BIN3: variants seen among roughly 807,000 people sequenced by gnomAD.
The protein encoded by BIN3 is bridging integrator 3.
A neutral mutation model predicts 38.2 loss-of-function variants in BIN3; 41 were observed. The observed-to-expected ratio is 1.07, with a 90% CI of 0.84 to 1.39. The LOEUF (loss-of-function observed/expected upper bound fraction) is 1.39, where lower values mean the gene tolerates loss of function less well. BIN3 is among the 40% of genes most tolerant of loss of function. The pLI is 0.00. For synonymous variants in BIN3, 145 were observed against 122.6 expected (o/e 1.18, Z -1.21); for missense variants, 361 against 324.3 (o/e 1.11, Z -0.87).
intron 1 of BIN3, among the ~76,000 whole-genome samples, chr8:22,648,511 CTG>C (rs576893746): frequency 1.6e-3 from 251 of 152,290 alleles, no homozygotes; most frequent in Non-Finnish European, 2.1e-3. Context: ...CCTGACTAGA[CTG>C]GAGTTATGGC....
intron 4 of BIN3, among the ~76,000 whole-genome samples, chr8:22,633,778 GGGCCCAGC>G (rs2117526710): frequency 6.6e-6 from 1 of 152,310 alleles, no homozygotes; most frequent in South Asian, 2.1e-4. Flanking sequence ...GCTGGAGGTG[GGGCCCAGC>G]GGCCCACGGC....
Position 22,621,318 on chromosome 8 carries a change from G to A in BIN3, c.*104C>T. 1.4e-6 allele frequency: 2 copies of A among 1,428,718 alleles called. No homozygotes were observed. Among genetic ancestry groups the A allele is most frequent in the South Asian group, 1.4e-5 (1 of 72,332 alleles). The allele number at this position is 1,428,718 out of a possible 1,614,324, so 88.5% of individuals were successfully genotyped here. A position where few individuals can be genotyped will look rare whatever the true frequency, so the allele number is the denominator to read the frequency against. ...TGCAAAGGGCCGGCAAGTGAACCAG[G>A]GCCACCTCTGTCCCCAGCCTGTGAG... is the stretch of plus-strand genomic sequence containing the variant. On this transcript the variant is annotated 3_prime_UTR_variant, in exon 9 of 9. Transcript: ENST00000276416.
At chr8:22,666,792 CTTAT>C (rs1409847599) in intron 1 of BIN3, among the ~76,000 whole-genome samples, 1 of 152,228 alleles carries the variant, frequency 6.6e-6, no homozygotes, top group Non-Finnish European at 1.5e-5. Context: ...GGCCATGTGC[CTTAT>C]TTAATGATGG....
At chr8:22,646,038 C>T (rs1337471708) in intron 1 of BIN3, among the ~76,000 whole-genome samples, 5 of 152,202 alleles carry the variant, frequency 3.3e-5, no homozygotes, top group Non-Finnish European at 7.4e-5. Context: ...AGCCTGGCCT[C>T]CGCTTCCACT....
At chr8:22,637,603 G>A (rs543237575) in intron 2 of BIN3, among the ~76,000 whole-genome samples, 2 of 152,356 alleles carry the variant, frequency 1.3e-5, no homozygotes, top group South Asian at 4.1e-4. Context: ...AAATGGGTGA[G>A]TCCTGAACCC....
chr8:22,624,406 G>C, intron 6 of BIN3, 43 bp from the exon 7 acceptor site: 1 of 1,594,718 alleles, frequency 6.3e-7, no homozygotes, highest in Non-Finnish European at 8.6e-7. Context: ...TCTTGAAGGG[G>C]TGGCCTGGCT....
chr8:22,651,173 A>C (rs911283028), intron 1 of BIN3, among the ~76,000 whole-genome samples: 1 of 152,190 alleles, frequency 6.6e-6, no homozygotes, highest in Non-Finnish European at 1.5e-5. Flanking sequence ...AATAACATGC[A>C]TACTTTTTTT....
chr8:22,635,274 C>T (rs188321059), intron 4 of BIN3, among the ~76,000 whole-genome samples: 33 of 152,262 alleles, frequency 2.2e-4, no homozygotes, highest in African/African-American at 5.8e-4. Context: ...CATTATATAC[C>T]GATCCGCTTG....
At chr8:22,659,261 T>C (rs776161190) in intron 1 of BIN3, among the ~76,000 whole-genome samples, 3 of 152,238 alleles carry the variant, frequency 2.0e-5, no homozygotes, top group Non-Finnish European at 4.4e-5. Context: ...CCAGTGCCTA[T>C]GACCACAGCC....
intron 1 of BIN3, among the ~76,000 whole-genome samples, chr8:22,656,194 A>G (rs1179224369): frequency 6.7e-6 from 1 of 148,178 alleles, no homozygotes; most frequent in Non-Finnish European, 1.5e-5. Context: ...TCATTCATTC[A>G]AGCCTTTTTA....
At chr8:22,660,994 C>T (rs1426577270) in intron 1 of BIN3, among the ~76,000 whole-genome samples, 2 of 152,214 alleles carry the variant, frequency 1.3e-5, no homozygotes, top group Non-Finnish European at 2.9e-5. Context: ...CAGCAGTCCA[C>T]CTGCCTCAGC....
At chr8:22,658,224 T>G (rs1396281371) in intron 1 of BIN3, among the ~76,000 whole-genome samples, 4 of 152,136 alleles carry the variant, frequency 2.6e-5, no homozygotes, top group Non-Finnish European at 5.9e-5. Flanking sequence ...GAGAAAACAT[T>G]TCTTTCAACC....
chr8:22,655,816 G>C (rs982180593), intron 1 of BIN3, among the ~76,000 whole-genome samples: 5 of 152,122 alleles, frequency 3.3e-5, no homozygotes, highest in Non-Finnish European at 7.4e-5. Flanking sequence ...TAGAGTTTGA[G>C]TGTATGACTA....
At chr8:22,628,755 C>CCCTGGCACAGAAAAGCCCTCTGTGGG (rs1303822752) in intron 6 of BIN3, among the ~76,000 whole-genome samples, 22 of 152,222 alleles carry the variant, frequency 1.4e-4, no homozygotes, top group Admixed American at 1.4e-3. Context: ...ACCCCTGTGG[C>CCCTGGCACAGAAAAGCCCTCTGTGGG]CCTGGCACAG....
rs554082328 is a variant in BIN3 at position 22,651,440 on chromosome 8, C to A, written c.9-6637G>T. On this transcript the variant is annotated intron_variant, in intron 1 of 8. Coordinates refer to ENST00000276416, the MANE Select transcript of BIN3 (RefSeq NM_018688.6). ...AATCTTTCTGGGATTCCTTTGACTTCTCTTTCATGATTTTTCCCTGATCCT... is the reference window on the plus strand; with the variant it reads ...AATCTTTCTGGGATTCCTTTGACTTATCTTTCATGATTTTTCCCTGATCCT... Among the ~76,000 whole-genome samples the A allele has an allele frequency of 2.0e-5, 3 of 152,358 alleles. No homozygotes were observed. In the South Asian group the frequency reaches 6.2e-4, roughly 32 times the overall value.
chr8:22,647,559 C>T (rs965284365), intron 1 of BIN3, among the ~76,000 whole-genome samples: 1 of 152,192 alleles, frequency 6.6e-6, no homozygotes, highest in African/African-American at 2.4e-5. Context: ...GTGATGAAAA[C>T]ACCTAGTCTC....
Position 22,621,581 on chromosome 8 carries a change from ACAGGGGTTGGCACGTGCTGGCTC to A in BIN3, c.616-36_616-14del, listed in dbSNP as rs778870096. On this transcript the variant is annotated splice_polypyrimidine_tract_variant and intron_variant, in intron 8 of 8. Coordinates refer to ENST00000276416, the MANE Select transcript of BIN3 (RefSeq NM_018688.6). ...AGTAGTACACAACCTGGGGGAGGCGACAGGGGTTGGCACGTGCTGGCTCCAGGGAACCGTGTGCTTCAGGGGGC... is the reference window on the plus strand; with the variant it reads ...AGTAGTACACAACCTGGGGGAGGCGACAGGGAACCGTGTGCTTCAGGGGGC... 1.2e-5 allele frequency: 20 copies of A among 1,612,832 alleles called. No individual in the cohort carries two copies. Among genetic ancestry groups the A allele is most frequent in the Admixed American group, 1.7e-5 (1 of 59,984 alleles).
At chr8:22,631,246 ATG>A (rs1802191204) in intron 4 of BIN3, among the ~76,000 whole-genome samples, 2 of 152,144 alleles carry the variant, frequency 1.3e-5, no homozygotes, top group Admixed American at 6.5e-5. Flanking sequence ...ACGCTGGAAA[ATG>A]TGTTTTCCCC....
intron 1 of BIN3, among the ~76,000 whole-genome samples, chr8:22,659,950 A>T (rs1803179512): frequency 6.6e-6 from 1 of 152,180 alleles, no homozygotes; most frequent in Non-Finnish European, 1.5e-5. Context: ...GGTGACTTGT[A>T]AGAAGTTACA....
Sources: allele counts gnomAD v4.1 joint callset (sites outside exome capture counted in the v4.1 genomes callset), GRCh38; gene constraint gnomAD v4.1.1; transcripts MANE v1.5; gene names NCBI Gene and HGNC (gene_info 2026-07-23, HGNC 2026-07-21).